The following CDAN1 variants were observed in gnomAD, a reference collection of about 807,000 sequenced individuals.
CDAN1 encodes codanin-1.
A neutral mutation model predicts 139.8 loss-of-function variants in CDAN1; 107 were observed. The ratio of observed to expected loss-of-function variants is 0.77; its 90% CI spans 0.65 to 0.90. The LOEUF (loss-of-function observed/expected upper bound fraction) is 0.90, where lower values mean the gene tolerates loss of function less well. Ranked by LOEUF, CDAN1 falls within the 40% of genes least tolerant of loss-of-function variation. The probability of loss-of-function intolerance (pLI) is 0.00; values close to 1 mark genes in which losing one functional copy is unlikely to be tolerated. For missense variants in CDAN1, 1,667 were observed against 1,575.7 expected, an observed-to-expected ratio of 1.06 and a Z score of -0.98; for synonymous variants, 776 against 660.6, an observed-to-expected ratio of 1.17 and a Z score of -2.68.
rs897669129 is a variant in CDAN1 at position 42,726,321 on chromosome 15, G to A, written c.3193C>T (p.Arg1065Trp). 8.8e-6 allele frequency: 14 copies of A among 1,588,040 alleles called. No homozygotes were observed. The highest frequency in any genetic ancestry group is 2.3e-5 in the South Asian group (2 of 87,694). The change falls in exon 24 of 28, where the codon CGG becomes TGG. Residue 1065 changes from arginine (R) to tryptophan (W), a missense_variant. Arg to Trp is a moderately radical substitution (Grantham distance 101). This residue lies in a region of CDAN1 where 936 missense variants were observed against 844.1 expected (regional missense o/e 1.11). Transcript: ENST00000356231. ...ATGCCACAGCTCACCTGGCGGCACC[G>A]CAGCGTCTGGCCCAGCTGGCCTAGG... ...QLLGQLGQTL[R>W]CRQFLCPPAE...
intron 2 of CDAN1, 44 bp downstream of exon 2, chr15:42,736,258 G>A (rs959517636): frequency 7.4e-6 from 12 of 1,610,988 alleles, no homozygotes; most frequent in East Asian, 2.2e-5. Context: ...TGACTCCCCA[G>A]AGCCTTCGTG....
chr15:42,734,485 A>T (rs751131748), intron 6 of CDAN1, 139 bp from the exon 7 acceptor site: 4 of 1,033,850 alleles, frequency 3.9e-6, no homozygotes, highest in Non-Finnish European at 5.9e-6. Flanking sequence ...TCATGGGCCA[A>T]GGATCAAAGA....
chr15:42,728,202 A>ACGG lies in CDAN1; in HGVS notation c.2867_2868+1dup, dbSNP rs1555414654. On this transcript the variant is annotated splice_donor_variant, in intron 21 of 27. Transcript: ENST00000356231. LOFTEE classifies it high-confidence loss of function. ...CTAGCTGCAGGCCTCCCTCACACGT[A>ACGG]CGGCTGCCGGGGTCTCCTCTGGAAG... 4 of 1,613,486 alleles carry ACGG rather than the reference A, an allele frequency of 2.5e-6. No individual in the cohort carries two copies. Among genetic ancestry groups the ACGG allele is most frequent in the Non-Finnish European group, 3.4e-6 (4 of 1,179,936 alleles).
At chr15:42,724,828 A>G in intron 27 of CDAN1, 1 of 650,996 alleles carries the variant, frequency 1.5e-6, no homozygotes, top group Non-Finnish European at 2.7e-6. Context: ...CACAGGCTTG[A>G]CCAGTTTTTG....
rs2061598789 is a variant in CDAN1, at chr15:42,730,662, C to G, written c.2110G>C (p.Asp704His). 2 of 1,614,050 alleles carry G rather than the reference C, an allele frequency of 1.2e-6. No homozygotes were observed. The highest frequency in any genetic ancestry group is 1.3e-5 in the African/African-American group (1 of 74,950). The change falls in exon 14 of 28, where the codon GAC becomes CAC. Residue 704 changes from aspartate (D) to histidine (H), a missense_variant. Asp to His is a moderately conservative substitution (Grantham distance 81). Transcript: ENST00000356231. The stretch of plus-strand genomic sequence containing the variant: ...TATTCCAGCAAGGGAACAACATGGT[C>G]AGCAAAGGAGAGAAACTCCACCAGC... The part of the protein sequence containing the change: ...PWLVEFLSFA[D>H]HVVPLLEYYR...
In CDAN1 at chr15:42,724,426, GCCT is replaced by G; in HGVS notation, c.*62_*64del. On this transcript the variant is annotated 3_prime_UTR_variant, in exon 28 of 28. Transcript: ENST00000356231. The stretch of plus-strand genomic sequence containing the variant: ...GTGAGGGTCTGCATTGGGCACTTGG[GCCT>G]CCTCGTGAGGCGGGGGTCCAGGGTT... 1 of 1,548,220 alleles carries G rather than the reference GCCT, an allele frequency of 6.5e-7. No individual in the cohort carries two copies. Among genetic ancestry groups the G allele is most frequent in the Non-Finnish European group, 8.7e-7 (1 of 1,146,722 alleles).
rs750390146 is a variant in CDAN1 at position 42,736,583 on chromosome 15, C to T, written c.288G>A (p.Ala96=). The T allele has an allele frequency of 1.3e-6, 2 of 1,491,750 alleles. No individual in the cohort carries two copies. The highest frequency in any genetic ancestry group is 8.9e-7 in the Non-Finnish European group (1 of 1,122,240). 92.4% of individuals were successfully genotyped at this position (1,491,750 alleles called of 1,614,324 possible). ...CGGTCGGAGGGAAAAGCTGGCTGCG[C>T]GCCCCGCGGCTACCCCGCGGCGGGC... is the stretch of plus-strand genomic sequence containing the variant. ...PGGPPRGSRG[A]RSQLFPPTEA... The change falls in exon 2 of 28, where the codon GCG becomes GCA. Residue 96 remains alanine, a synonymous_variant. Transcript: ENST00000356231.
rs1478075423 is a variant in CDAN1 at position 42,730,984 on chromosome 15, C to A, written c.1948G>T (p.Gly650Trp). The A allele has an allele frequency of 6.2e-7, 1 of 1,614,168 alleles. No homozygotes were observed. The highest frequency in any genetic ancestry group is 1.7e-5 in the Admixed American group (1 of 60,032). ...LGFVAFLPYR[G>W]PEPPPTGELQ... ...TCACCGGTCGGGGGAGGTTCAGGCC[C>A]CCGGTATGGCAGGAAAGCCACAAAG... is the stretch of plus-strand genomic sequence containing the variant. Residue 650 changes from glycine (G) to tryptophan (W), a missense_variant, in exon 13 of 28, where the codon GGG (glycine) becomes TGG (tryptophan). This residue lies in a region of CDAN1 where 936 missense variants were observed against 844.1 expected (regional missense o/e 1.11). Coordinates refer to ENST00000356231, the MANE Select transcript of CDAN1 (RefSeq NM_138477.4).
chr15:42,730,781 TCA>T lies in CDAN1; in HGVS notation c.2008-19_2008-18del. 1.2e-6 allele frequency: 2 copies of T among 1,612,556 alleles called. No homozygotes were observed. The highest frequency in any genetic ancestry group is 1.3e-5 in the African/African-American group (1 of 74,964). Reference sequence around the variant, plus strand: ...CGGAGGGACCTGGGAGGGCCAGAGCTCAGTCAGGGGGCAGGTCCCTAGGAAGG... The same window carrying T: ...CGGAGGGACCTGGGAGGGCCAGAGCTGTCAGGGGGCAGGTCCCTAGGAAGG... On this transcript the variant is annotated intron_variant, in intron 13 of 27. Coordinates refer to ENST00000356231, the MANE Select transcript of CDAN1 (RefSeq NM_138477.4).
chr15:42,726,358 A>T lies in CDAN1; in HGVS notation c.3156T>A (p.His1052Gln). The T allele has an allele frequency of 1.9e-6, 3 of 1,598,316 alleles. No homozygotes were observed. In the South Asian group the frequency reaches 3.4e-5, roughly 18 times the overall value. Residue 1052 changes from histidine to glutamine, a missense_variant, in exon 24 of 28, where the codon CAT becomes CAA. His to Gln is a conservative substitution (Grantham distance 24). Transcript: ENST00000356231. Reference sequence around the variant, plus strand: ...CCAGCTGGCCTAGGAGCTGTTCCAGATGCTCTGGGGAGACTCCCTCGTCAG... The same window carrying T: ...CCAGCTGGCCTAGGAGCTGTTCCAGTTGCTCTGGGGAGACTCCCTCGTCAG... ...RDPDEGVSPE[H>Q]LEQLLGQLGQ...
At position 42,735,689 on chromosome 15, in the gene CDAN1, AAAG is replaced by A. The variant is rs749620858; in HGVS notation, c.774-13_774-11del. ...CTGCAGCTGCTTAGAGCTATGGAAT[AAAG>A]AAATTTCATGAGCAGTCAGCTTGGC... On this transcript the variant is annotated splice_polypyrimidine_tract_variant and intron_variant, in intron 3 of 27. Transcript: ENST00000356231. 2.5e-6 allele frequency: 4 copies of A among 1,613,688 alleles called. No homozygotes were observed. Among genetic ancestry groups the A allele is most frequent in the Middle Eastern group, 3.3e-4 (2 of 6,082 alleles).
Position 42,736,651 on chromosome 15 carries a change from T to TG in CDAN1, c.219dup (p.Lys74GlnfsTer20). The TG allele has an allele frequency of 6.5e-7, 1 of 1,531,062 alleles. No homozygotes were observed. 94.8% of individuals were successfully genotyped at this position (1,531,062 alleles called of 1,614,324 possible). Reference sequence around the variant, plus strand: ...AAGGCTGCCGAGGCGCCCGGGGTCTTGGCGGGGGTCGGGGGCCCCTGCGGG... The same window carrying TG: ...AAGGCTGCCGAGGCGCCCGGGGTCTTGGGCGGGGGTCGGGGGCCCCTGCGGG... On this transcript the variant is annotated frameshift_variant, in exon 2 of 28. Coordinates refer to ENST00000356231, the MANE Select transcript of CDAN1 (RefSeq NM_138477.4). LOFTEE classifies it high-confidence loss of function.
chr15:42,736,497 G>A lies in CDAN1; in HGVS notation c.374C>T (p.Pro125Leu). 7.0e-7 allele frequency: 1 copy of A among 1,419,498 alleles called. No individual in the cohort carries two copies. Among genetic ancestry groups the A allele is most frequent in the Non-Finnish European group, 9.1e-7 (1 of 1,095,128 alleles). 87.9% of individuals were successfully genotyped at this position (1,419,498 alleles called of 1,614,324 possible). The change falls in exon 2 of 28, where the codon CCG becomes CTG. Residue 125 changes from proline to leucine, a missense_variant. Coordinates refer to ENST00000356231, the MANE Select transcript of CDAN1 (RefSeq NM_138477.4). ...LARRGGRRRG[P>L]GPARERGGRG... ...GCCTCCACGCTCGCGGGCCGGCCCCGGGCCCCGCCTCCTGCCCCCGCGGCG... is the reference window on the plus strand; with the variant it reads ...GCCTCCACGCTCGCGGGCCGGCCCCAGGCCCCGCCTCCTGCCCCCGCGGCG...
rs768459670 is a variant in CDAN1, at chr15:42,729,238, C to G, written c.2532G>C (p.Gln844His). ...SLGAQPSQTS[Q>H]GLQAQLAQAF... ...TCCGCCCTGCCCTTACCTGCAGCCC[C>G]TGGCTGGTCTGGGAAGGCTGGGCTC... Residue 844 changes from glutamine to histidine, a missense_variant, in exon 18 of 28, where the codon CAG (glutamine) becomes CAC (histidine). Physicochemically the swap from Gln to His is conservative, Grantham distance 24. Transcript: ENST00000356231. 21 of 1,614,030 alleles carry G rather than the reference C, an allele frequency of 1.3e-5. No homozygotes were observed. The South Asian group carries it at 2.3e-4, about 18-fold the overall frequency.
At chr15:42,730,513 G>A (rs773852453) in intron 14 of CDAN1, 85 bp downstream of exon 14, 92 of 1,499,452 alleles carry the variant, frequency 6.1e-5, no homozygotes, top group Non-Finnish European at 8.2e-5. Flanking sequence ...AGTGCAGACT[G>A]CTCGACCCTC....
At chr15:42,731,542 G>A (rs554036659) in intron 11 of CDAN1, 78 bp downstream of exon 11, 5 of 1,514,134 alleles carry the variant, frequency 3.3e-6, no homozygotes, top group African/African-American at 1.4e-5. Flanking sequence ...AAGGAGACTG[G>A]AGAACTATTT....
Position 42,736,787 on chromosome 15 carries a change from C to A in CDAN1, c.91-7G>T. 1.3e-6 allele frequency: 2 copies of A among 1,527,884 alleles called. No individual in the cohort carries two copies. The highest frequency in any genetic ancestry group is 1.7e-6 in the Non-Finnish European group (2 of 1,144,332). The allele number at this position is 1,527,884 out of a possible 1,614,324, so 94.6% of individuals were successfully genotyped here. A position where few individuals can be genotyped will look rare whatever the true frequency, so the allele number is the denominator to read the frequency against. ...CCGCCTCCCCAGCGTTATCCTAGGG[C>A]AGAAGCACAGGTGGAGGGGCGAGAG... On this transcript the variant is annotated splice_polypyrimidine_tract_variant and splice_region_variant and intron_variant, in intron 1 of 27. Transcript: ENST00000356231.
chr15:42,732,232 G>T (rs1040459371), intron 10 of CDAN1, 101 bp downstream of exon 10: 2 of 1,119,154 alleles, frequency 1.8e-6, no homozygotes, highest in Non-Finnish European at 2.7e-6. Flanking sequence ...TCCAGCCCAG[G>T]ACCTGCCAGG....
chr15:42,736,666 G>T lies in CDAN1; in HGVS notation c.205C>A (p.Pro69Thr). Reference protein sequence around the residue: ...EQSSRVLPQGPPTPAKTPGAS... With the variant: ...EQSSRVLPQGTPTPAKTPGAS... Reference sequence around the variant, plus strand: ...CCCGGGGTCTTGGCGGGGGTCGGGGGCCCCTGCGGGAGGACGCGGCTGCTC... The same window carrying T: ...CCCGGGGTCTTGGCGGGGGTCGGGGTCCCCTGCGGGAGGACGCGGCTGCTC... Residue 69 changes from proline to threonine, a missense_variant, in exon 2 of 28, where the codon CCC becomes ACC. Pro to Thr is a conservative substitution (Grantham distance 38). Coordinates refer to ENST00000356231, the MANE Select transcript of CDAN1 (RefSeq NM_138477.4). 1 of 1,542,534 alleles carries T rather than the reference G, an allele frequency of 6.5e-7. No individual in the cohort carries two copies. The highest frequency in any genetic ancestry group is 8.7e-7 in the Non-Finnish European group (1 of 1,146,320).
Sources: allele counts gnomAD v4.1 joint callset, GRCh38; gene constraint gnomAD v4.1.1; regional missense constraint gnomAD v4.1.1; transcripts MANE v1.5; gene names NCBI Gene and HGNC (gene_info 2026-07-23, HGNC 2026-07-21).